EVI5: variants seen among roughly 807,000 people sequenced by gnomAD.
The protein encoded by EVI5 is ecotropic viral integration site 5.
EVI5 carries 73 observed loss-of-function variants against 112.0 expected under a neutral mutation model. That is an observed-to-expected ratio of 0.65 (90% CI 0.54 to 0.79). The LOEUF (loss-of-function observed/expected upper bound fraction) is 0.79, where lower values mean the gene tolerates loss of function less well. Ranked by LOEUF, EVI5 falls within the 30% of genes least tolerant of loss-of-function variation. The pLI is 0.00. For synonymous variants in EVI5, 305 were observed against 319.9 expected, an observed-to-expected ratio of 0.95 and a Z score of 0.50; for missense variants, 900 against 968.8, an observed-to-expected ratio of 0.93 and a Z score of 0.94.
At chr1:92,730,750 A>G (rs1676336142) in intron 2 of EVI5, among the ~76,000 whole-genome samples, 1 of 151,954 alleles carries the variant, frequency 6.6e-6, no homozygotes, top group African/African-American at 2.4e-5. Context: ...AATACAGTTA[A>G]CATCAAGCTT....
chr1:92,766,969 C>T (rs1042164616), intron 1 of EVI5, among the ~76,000 whole-genome samples: 2 of 151,220 alleles, frequency 1.3e-5, no homozygotes, highest in African/African-American at 2.4e-5. Context: ...GTAATCCCAG[C>T]GACTCGGGAG....
intron 1 of EVI5, among the ~76,000 whole-genome samples, chr1:92,745,889 T>C (rs1256693076): frequency 1.3e-5 from 2 of 152,232 alleles, no homozygotes; most frequent in South Asian, 2.1e-4. Flanking sequence ...ATCTTCTTGA[T>C]GACCTGAAAA....
intron 19 of EVI5, among the ~76,000 whole-genome samples, chr1:92,530,085 T>C (rs1662605791): frequency 6.6e-6 from 1 of 152,196 alleles, no homozygotes; most frequent in Admixed American, 6.5e-5. Context: ...AGACCCTTGA[T>C]GGTAGGGATT....
At position 92,615,103 on chromosome 1, in the gene EVI5, T is replaced by C. The variant is rs183107638; in HGVS notation, c.1828-7376A>G. On this transcript the variant is annotated intron_variant, in intron 16 of 19. Transcript: ENST00000684568. ...CAGTATGGAGCACACTGATAGTTCT[T>C]GGCATGAACTGTTTGTAGAGAGTTA... Among the ~76,000 whole-genome samples, 16 of 152,132 alleles carry C rather than the reference T, an allele frequency of 1.1e-4. No homozygotes were observed. The East Asian group carries it at 2.9e-3, about 28-fold the overall frequency.
At chr1:92,726,944 T>C (rs986937084) in intron 2 of EVI5, among the ~76,000 whole-genome samples, 1 of 152,066 alleles carries the variant, frequency 6.6e-6, no homozygotes, top group Non-Finnish European at 1.5e-5. Context: ...AAATGAACTA[T>C]AACAAAATCA....
intron 10 of EVI5, among the ~76,000 whole-genome samples, chr1:92,674,288 A>AT (rs1396567369): frequency 1.3e-5 from 2 of 152,158 alleles, no homozygotes; most frequent in African/African-American, 4.8e-5. Context: ...ACCAACCCAA[A>AT]TGCCCATCAA....
chr1:92,538,856 C>T (rs1664309150), intron 19 of EVI5, among the ~76,000 whole-genome samples: 1 of 152,134 alleles, frequency 6.6e-6, no homozygotes, highest in African/African-American at 2.4e-5. Context: ...TGTTAGGAAA[C>T]TGCAAGTGGT....
At chr1:92,540,242 T>C (rs1664576796) in intron 19 of EVI5, among the ~76,000 whole-genome samples, 1 of 152,254 alleles carries the variant, frequency 6.6e-6, no homozygotes, top group Non-Finnish European at 1.5e-5. Flanking sequence ...ACTCTATGTT[T>C]ACCATTTGAG....
At chr1:92,667,957 C>T (rs1665217119) in intron 10 of EVI5, among the ~76,000 whole-genome samples, 1 of 152,112 alleles carries the variant, frequency 6.6e-6, no homozygotes, top group African/African-American at 2.4e-5. Flanking sequence ...TGTTCCAGAA[C>T]TCAATCAAGG....
chr1:92,521,654 C>T (rs1660955746), intron 19 of EVI5, among the ~76,000 whole-genome samples: 1 of 151,166 alleles, frequency 6.6e-6, no homozygotes, highest in South Asian at 2.1e-4. Flanking sequence ...ATTGCGCTAC[C>T]TCACTCTAGC....
chr1:92,756,392 T>C (rs987998364), intron 1 of EVI5: 8 of 533,664 alleles, frequency 1.5e-5, no homozygotes, highest in Admixed American at 5.8e-5. Flanking sequence ...AAATTACCCC[T>C]TTCTAAATTA....
intron 1 of EVI5, among the ~76,000 whole-genome samples, chr1:92,757,398 G>GT (rs11397398): frequency 1 from 149,807 of 150,286 alleles, 74,666 homozygotes; most frequent in South Asian, 1. Context: ...TTTTGAAGAG[G>GT]TTTTTTTTTA....
Position 92,735,831 on chromosome 1 carries a change from A to C in EVI5, c.149+567T>G, listed in dbSNP as rs1451004607. 2.8e-5 allele frequency among the ~76,000 whole-genome samples: 4 copies of C among 144,572 alleles called. No homozygotes were observed. In the East Asian group the frequency reaches 7.8e-4, roughly 28 times the overall value. The allele number at this position is 144,572 out of a possible 152,430, so 94.8% of individuals were successfully genotyped here. A position where few individuals can be genotyped will look rare whatever the true frequency, so the allele number is the denominator to read the frequency against. On this transcript the variant is annotated intron_variant, in intron 2 of 19. Coordinates refer to ENST00000684568, the MANE Select transcript of EVI5 (RefSeq NM_001350197.2). ...GTATATTATATATTATTATAATATA[A>C]TCTATTATAATATATATTATATATA...
intron 19 of EVI5, among the ~76,000 whole-genome samples, chr1:92,528,094 A>C (rs2101814555): frequency 6.6e-6 from 1 of 152,318 alleles, no homozygotes; most frequent in Middle Eastern, 3.4e-3. Flanking sequence ...TGCCTAGTTA[A>C]CTGTCAAAGC....
chr1:92,602,842 C>T (rs1649479994), intron 18 of EVI5, among the ~76,000 whole-genome samples: 1 of 151,726 alleles, frequency 6.6e-6, no homozygotes, highest in Non-Finnish European at 1.5e-5. Flanking sequence ...CAAAACAAAA[C>T]CCAGGTACGT....
At chr1:92,689,366 A>C (rs963567722) in intron 9 of EVI5, among the ~76,000 whole-genome samples, 3 of 152,158 alleles carry the variant, frequency 2.0e-5, no homozygotes, top group Non-Finnish European at 2.9e-5. Context: ...AAGTAGAACA[A>C]TGAGACTTTT....
chr1:92,628,203 T>C (rs1330112324), intron 14 of EVI5, among the ~76,000 whole-genome samples: 2 of 152,218 alleles, frequency 1.3e-5, no homozygotes, highest in African/African-American at 2.4e-5. Flanking sequence ...CTGATTTGAG[T>C]TCGTTGTAGA....
intron 19 of EVI5, among the ~76,000 whole-genome samples, chr1:92,543,998 T>G (rs1665266520): frequency 6.6e-6 from 1 of 152,004 alleles, no homozygotes; most frequent in African/African-American, 2.4e-5. Flanking sequence ...GTGACAAAAA[T>G]AAATAAAAGC....
At chr1:92,745,082 C>T (rs1679060020) in intron 1 of EVI5, among the ~76,000 whole-genome samples, 3 of 151,152 alleles carry the variant, frequency 2.0e-5, no homozygotes, top group Admixed American at 2.0e-4. Flanking sequence ...AGGCACACAA[C>T]TACCATGCCA....
Sources: gnomAD v4.1 joint callset for allele counts (sites outside exome capture counted in the v4.1 genomes callset) on GRCh38, gnomAD v4.1.1 for gene constraint, MANE v1.5 for transcripts, NCBI Gene and HGNC (gene_info 2026-07-23, HGNC 2026-07-21) for gene names.